Variants in OR52N5 observed in about 807,000 individuals in gnomAD.
OR52N5 encodes olfactory receptor 52N5.
OR52N5 carries 10 observed loss-of-function variants against 14.1 expected under a neutral mutation model. That is an observed-to-expected ratio of 0.71 (90% CI 0.44 to 1.20). The LOEUF (loss-of-function observed/expected upper bound fraction) is 1.20. OR52N5 is among the 50% of genes most tolerant of loss of function. The pLI is 0.00. For synonymous variants in OR52N5, 116 were observed against 143.0 expected (o/e 0.81, Z 1.35); for missense variants, 361 against 403.2 (o/e 0.90, Z 0.90).
chr11:5,780,531 AG>A (rs200038413), intron 2 of OR52N5, among the ~76,000 whole-genome samples: 1,877 of 139,214 alleles, frequency 0.013, 325 homozygotes, highest in African/African-American at 0.047. Context: ...AGATTAACTG[AG>A]GGGGGAAAAA....
chr11:5,777,427 A>C lies in OR52N5; in HGVS notation c.*233T>G. ...TTTAACTTTATGTGTCAATTTAAAT[A>C]AATTGAGTTAAACTCATTTTTTAAA... On this transcript the variant is annotated 3_prime_UTR_variant, in exon 3 of 3. Coordinates refer to ENST00000641181, the MANE Select transcript of OR52N5 (RefSeq NM_001385662.1). 3.4e-6 allele frequency: 1 copy of C among 291,350 alleles called. No homozygotes were observed. Among genetic ancestry groups the C allele is most frequent in the Non-Finnish European group, 6.2e-6 (1 of 160,388 alleles). The allele number at this position is 291,350 out of a possible 1,614,324, so 18.0% of individuals were successfully genotyped here. A position where few individuals can be genotyped will look rare whatever the true frequency, so the allele number is the denominator to read the frequency against.
rs200980931 is a variant in OR52N5 at position 5,777,907 on chromosome 11, C to T, written c.728G>A (p.Arg243Gln). The change falls in exon 3 of 3, where the codon CGG (arginine) becomes CAG (glutamine). Residue 243 changes from arginine (R) to glutamine (Q), a missense_variant. Arg to Gln is a conservative substitution (Grantham distance 43). Coordinates refer to ENST00000641181, the MANE Select transcript of OR52N5 (RefSeq NM_001385662.1). ...AAISLSSSDA[R>Q]QKAFSTCTAH... ...AGTGCAGGTGCTGAAAGCCTTCTGC[C>T]GAGCATCTGATGAAGAGAGGCTGAT... The T allele has an allele frequency of 9.2e-6, 14 of 1,520,734 alleles. 4 individuals carry two copies. Among genetic ancestry groups the T allele is most frequent in the African/African-American group, 2.9e-5 (2 of 69,976 alleles). 94.2% of individuals were successfully genotyped at this position (1,520,734 alleles called of 1,614,324 possible).
chr11:5,777,624 T>C lies in OR52N5; in HGVS notation c.*36A>G. ...TAAGTTTATTCTTTGTTATTTTTCA[T>C]TTATCTTTCTTCCATCTGAATTAAG... On this transcript the variant is annotated 3_prime_UTR_variant, in exon 3 of 3. Coordinates refer to ENST00000641181, the MANE Select transcript of OR52N5 (RefSeq NM_001385662.1). The C allele has an allele frequency of 7.5e-7, 1 of 1,332,798 alleles. No individual in the cohort carries two copies. The highest frequency in any genetic ancestry group is 1.5e-5 in the South Asian group (1 of 64,750). 82.6% of individuals were successfully genotyped at this position (1,332,798 alleles called of 1,614,324 possible).
At chr11:5,782,359 C>T (rs1854555693) in intron 1 of OR52N5, among the ~76,000 whole-genome samples, 1 of 139,752 alleles carries the variant, frequency 7.2e-6, no homozygotes, top group African/African-American at 2.6e-5. Context: ...TATTTATCCA[C>T]ACGACTAGAC....
In OR52N5 at chr11:5,777,918, T is replaced by C; in HGVS notation, c.717A>G (p.Ser239=). The change falls in exon 3 of 3, where the codon TCA becomes TCG. Residue 239 remains serine, a synonymous_variant. Coordinates refer to ENST00000641181, the MANE Select transcript of OR52N5 (RefSeq NM_001385662.1). ...LILKAAISLS[S]SDARQKAFST... ...TGAAAGCCTTCTGCCGAGCATCTGA[T>C]GAAGAGAGGCTGATCGCTGCCTTGA... The C allele has an allele frequency of 6.6e-7, 1 of 1,521,594 alleles. No individual in the cohort carries two copies. The highest frequency in any genetic ancestry group is 1.2e-5 in the South Asian group (1 of 85,848). The allele number at this position is 1,521,594 out of a possible 1,614,324, so 94.3% of individuals were successfully genotyped here. A position where few individuals can be genotyped will look rare whatever the true frequency, so the allele number is the denominator to read the frequency against.
rs749926571 is a variant in OR52N5 at position 5,777,960 on chromosome 11, C to G, written c.675G>C (p.Leu225Phe). The G allele has an allele frequency of 6.6e-7, 1 of 1,520,278 alleles. No homozygotes were observed. The highest frequency in any genetic ancestry group is 1.2e-5 in the South Asian group (1 of 85,846). The allele number at this position is 1,520,278 out of a possible 1,614,324, so 94.2% of individuals were successfully genotyped here. A position where few individuals can be genotyped will look rare whatever the true frequency, so the allele number is the denominator to read the frequency against. Residue 225 changes from leucine (L) to phenylalanine (F), a missense_variant, in exon 3 of 3, where the codon TTG becomes TTC. By Grantham distance (22) the Leu-to-Phe change is conservative. Transcript: ENST00000641181. ...CTGCCTTGAGGATCAAAGTGTAAGACAAAGATATACAACAAATGTCAAACA... is the reference window on the plus strand; with the variant it reads ...CTGCCTTGAGGATCAAAGTGTAAGAGAAAGATATACAACAAATGTCAAACA... ...IGVFDICCIS[L>F]SYTLILKAAI...
rs181904719 is a variant in OR52N5 at position 5,778,240 on chromosome 11, T to C, written c.395A>G (p.Tyr132Cys). 8.6e-5 allele frequency: 131 copies of C among 1,519,828 alleles called. 23 individuals are homozygous for C. In the East Asian group the frequency reaches 2.9e-3, roughly 34 times the overall value. 94.1% of individuals were successfully genotyped at this position (1,519,828 alleles called of 1,614,324 possible). A position where few individuals can be genotyped will look rare whatever the true frequency, so the allele number is the denominator to read the frequency against. ...GVLMLMALDR[Y>C]VAICYPLRYA... ...ACGCAAAGGGTAGCAAATGGCTACA[T>C]AGCGGTCTAGAGCCATGAGCATGAG... The change falls in exon 3 of 3, where the codon TAT becomes TGT. Residue 132 changes from tyrosine to cysteine, a missense_variant. Tyr to Cys is a radical substitution (Grantham distance 194). Coordinates refer to ENST00000641181, the MANE Select transcript of OR52N5 (RefSeq NM_001385662.1).
chr11:5,780,775 G>A lies in OR52N5; in HGVS notation c.-24+758C>T, dbSNP rs186605101. Among the ~76,000 whole-genome samples, 13 of 139,650 alleles carry A rather than the reference G, an allele frequency of 9.3e-5. 3 individuals carry two copies. Among genetic ancestry groups the A allele is most frequent in the Admixed American group, 6.6e-4 (9 of 13,582 alleles). The allele number at this position is 139,650 out of a possible 152,430, so 91.6% of individuals were successfully genotyped here. A position where few individuals can be genotyped will look rare whatever the true frequency, so the allele number is the denominator to read the frequency against. ...TACAGCCAAAAAATTTTCAGCAAAG[G>A]TGCCAAGAACACACAATCAGGAAAG... On this transcript the variant is annotated intron_variant, in intron 2 of 2. Transcript: ENST00000641181.
At position 5,780,285 on chromosome 11, in the gene OR52N5, T is replaced by C. The variant is rs1394629511; in HGVS notation, c.-24+1248A>G. On this transcript the variant is annotated intron_variant, in intron 2 of 2. Coordinates refer to ENST00000641181, the MANE Select transcript of OR52N5 (RefSeq NM_001385662.1). ...ATCCTGGCTTAAACAATGCATTATATAGTCAATGTAGTTTAGCATTTCGGG... is the reference window on the plus strand; with the variant it reads ...ATCCTGGCTTAAACAATGCATTATACAGTCAATGTAGTTTAGCATTTCGGG... Among the ~76,000 whole-genome samples, 4 of 139,614 alleles carry C rather than the reference T, an allele frequency of 2.9e-5. 1 individual carries two copies. The highest frequency in any genetic ancestry group is 1.0e-4 in the African/African-American group (4 of 38,184). 91.6% of individuals were successfully genotyped at this position (139,614 alleles called of 152,430 possible). A position where few individuals can be genotyped will look rare whatever the true frequency, so the allele number is the denominator to read the frequency against.
rs371688111 is a variant in OR52N5 at position 5,781,892 on chromosome 11, G to A, written c.-247-136C>T. 11 of 140,090 alleles carry A rather than the reference G, an allele frequency of 7.9e-5. 3 individuals carry two copies. Among genetic ancestry groups the A allele is most frequent in the African/African-American group, 2.4e-4 (9 of 38,232 alleles). The allele number at this position is 140,090 out of a possible 1,614,324, so 8.7% of individuals were successfully genotyped here. A position where few individuals can be genotyped will look rare whatever the true frequency, so the allele number is the denominator to read the frequency against. On this transcript the variant is annotated intron_variant, in intron 1 of 2. Transcript: ENST00000641181. ...TTTTTCACTTCCTTTTAACTTCCAC[G>A]CTATACTTCTCTAGTGATGGCTTGG...
chr11:5,778,631 G>C lies in OR52N5; in HGVS notation c.4C>G (p.Pro2Ala). The change falls in exon 3 of 3, where the codon CCT becomes GCT. Residue 2 changes from proline to alanine, a missense_variant. Physicochemically the swap from Pro to Ala is conservative, Grantham distance 27. Coordinates refer to ENST00000641181, the MANE Select transcript of OR52N5 (RefSeq NM_001385662.1). M[P>A]LFNSLCWFPT... ...AACCAGCATAATGAATTAAATAGAG[G>C]CATTCTATTTTTCCAGAAGTTTCAT... 1 of 1,402,760 alleles carries C rather than the reference G, an allele frequency of 7.1e-7. No homozygotes were observed. Among genetic ancestry groups the C allele is most frequent in the Non-Finnish European group, 9.6e-7 (1 of 1,043,202 alleles). 86.9% of individuals were successfully genotyped at this position (1,402,760 alleles called of 1,614,324 possible).
chr11:5,782,754 A>G lies in OR52N5; in HGVS notation c.-248+541T>C, dbSNP rs1453371335. 2.9e-5 allele frequency among the ~76,000 whole-genome samples: 4 copies of G among 139,030 alleles called. 1 individual carries two copies. Among genetic ancestry groups the G allele is most frequent in the African/African-American group, 1.1e-4 (4 of 37,868 alleles). 91.2% of individuals were successfully genotyped at this position (139,030 alleles called of 152,430 possible). On this transcript the variant is annotated intron_variant, in intron 1 of 2. Transcript: ENST00000641181. The stretch of plus-strand genomic sequence containing the variant: ...ACTGACCTGTGAGCTCTTTTAGTCT[A>G]TGGGCCAAATCTGCCACCTATTTTA...
chr11:5,783,300 A>G lies in OR52N5; in HGVS notation c.-253T>C, dbSNP rs1416938180. The G allele has an allele frequency of 7.1e-6, 1 of 139,928 alleles. No homozygotes were observed. Among genetic ancestry groups the G allele is most frequent in the Non-Finnish European group, 1.6e-5 (1 of 63,270 alleles). The allele number at this position is 139,928 out of a possible 1,614,324, so 8.7% of individuals were successfully genotyped here. ...GGAAGGCAGAAATCTCTTACCCACA[A>G]TATAGCTCCTGAGGAGAAGTGATGT... On this transcript the variant is annotated 5_prime_UTR_variant, in exon 1 of 3. Transcript: ENST00000641181.
chr11:5,779,163 T>C (rs1056945317), intron 2 of OR52N5, among the ~76,000 whole-genome samples: 1 of 140,568 alleles, frequency 7.1e-6, no homozygotes, highest in Non-Finnish European at 1.6e-5. Flanking sequence ...GTTTTTTCTA[T>C]ACTAACTGTG....
Position 5,777,455 on chromosome 11 carries a change from C to T in OR52N5, c.*205G>A, listed in dbSNP as rs983501905. 9.1e-6 allele frequency: 3 copies of T among 331,044 alleles called. No homozygotes were observed. Among genetic ancestry groups the T allele is most frequent in the African/African-American group, 6.9e-5 (3 of 43,490 alleles). The allele number at this position is 331,044 out of a possible 1,614,324, so 20.5% of individuals were successfully genotyped here. A position where few individuals can be genotyped will look rare whatever the true frequency, so the allele number is the denominator to read the frequency against. On this transcript the variant is annotated 3_prime_UTR_variant, in exon 3 of 3. Transcript: ENST00000641181. ...TTGAGTTAAACTCATTTTTTAAAAA[C>T]TGGCAATAGACAAAAATTAAGGGAA...
chr11:5,780,818 T>C lies in OR52N5; in HGVS notation c.-24+715A>G, dbSNP rs1854544059. Among the ~76,000 whole-genome samples the C allele has an allele frequency of 1.4e-5, 2 of 139,966 alleles. 1 individual carries two copies. The highest frequency in any genetic ancestry group is 4.7e-4 in the South Asian group (2 of 4,266). The allele number at this position is 139,966 out of a possible 152,430, so 91.8% of individuals were successfully genotyped here. ...CAGGAAAGACAGTGTCTTCAATAAA[T>C]GGTGTTGGGAAAACTGAATATCCAC... On this transcript the variant is annotated intron_variant, in intron 2 of 2. Coordinates refer to ENST00000641181, the MANE Select transcript of OR52N5 (RefSeq NM_001385662.1).
rs1162712310 is a variant in OR52N5, at chr11:5,783,110, C to T, written c.-248+185G>A. 5.8e-5 allele frequency among the ~76,000 whole-genome samples: 8 copies of T among 139,128 alleles called. 1 individual carries two copies. Among genetic ancestry groups the T allele is most frequent in the African/African-American group, 2.1e-4 (8 of 37,958 alleles). 91.3% of individuals were successfully genotyped at this position (139,128 alleles called of 152,430 possible). Reference sequence around the variant, plus strand: ...ACCTTGTCCACCAAGAACACATATCCCTTACAAGTACTATCTCTGCTTTGA... The same window carrying T: ...ACCTTGTCCACCAAGAACACATATCTCTTACAAGTACTATCTCTGCTTTGA... On this transcript the variant is annotated intron_variant, in intron 1 of 2. Coordinates refer to ENST00000641181, the MANE Select transcript of OR52N5 (RefSeq NM_001385662.1).
In OR52N5 at chr11:5,777,740, G is replaced by A. The variant is rs780412659; in HGVS notation, c.895C>T (p.Pro299Ser). The A allele has an allele frequency of 1.8e-5, 27 of 1,516,874 alleles. 7 individuals carry two copies. The highest frequency in any genetic ancestry group is 2.3e-5 in the East Asian group (1 of 42,864). The allele number at this position is 1,516,874 out of a possible 1,614,324, so 94.0% of individuals were successfully genotyped here. ...LYLLLPPTLN[P>S]IVYGVKTKQI... is the part of the protein sequence containing the mutation. Reference sequence around the variant, plus strand: ...TTTGTCTTTACTCCATAAACAATAGGGTTTAGAGTTGGGGGAAGAAGAAGA... The same window carrying A: ...TTTGTCTTTACTCCATAAACAATAGAGTTTAGAGTTGGGGGAAGAAGAAGA... The change falls in exon 3 of 3, where the codon CCT (proline) becomes TCT (serine). Residue 299 changes from proline (P) to serine (S), a missense_variant. Transcript: ENST00000641181.
chr11:5,776,772 T>C lies in OR52N5; in HGVS notation c.*888A>G, dbSNP rs1854496627. 7.1e-6 allele frequency: 1 copy of C among 140,964 alleles called. No homozygotes were observed. Among genetic ancestry groups the C allele is most frequent in the Non-Finnish European group, 1.6e-5 (1 of 63,628 alleles). The allele number at this position is 140,964 out of a possible 1,614,324, so 8.7% of individuals were successfully genotyped here. ...ATGATGCCACATTTTCTTTATCCAC[T>C]TCTCTGTTGATGGACACAGGTTGAT... On this transcript the variant is annotated 3_prime_UTR_variant, in exon 3 of 3. Coordinates refer to ENST00000641181, the MANE Select transcript of OR52N5 (RefSeq NM_001385662.1).
Sources: allele counts gnomAD v4.1 joint callset (sites outside exome capture counted in the v4.1 genomes callset), GRCh38; gene constraint gnomAD v4.1.1; transcripts MANE v1.5; gene names NCBI Gene and HGNC (gene_info 2026-07-23, HGNC 2026-07-21).